Variants in DMD observed in about 807,000 individuals in gnomAD.
DMD encodes dystrophin, also known as mutant dystrophin.
In DMD, 63 loss-of-function variants were observed where a neutral mutation model predicts 330.1. The ratio of observed to expected loss-of-function variants is 0.19; its 90% confidence interval spans 0.16 to 0.24. DMD has a LOEUF of 0.24. DMD is among the 10% of genes least tolerant of loss of function. The pLI, the probability that DMD is intolerant of heterozygous loss-of-function variation, is 1.00. For synonymous variants in DMD, 1,223 were observed against 959.8 expected, an observed-to-expected ratio of 1.27 and a Z score of -5.07; for missense variants, 3,344 against 2,684.1, an observed-to-expected ratio of 1.25 and a Z score of -5.43.
intron 34 of DMD, among the ~76,000 whole-genome samples, chrX:32,372,426 T>G (rs965501681): frequency 1.1e-4 from 12 of 111,730 alleles, no homozygotes; most frequent in African/African-American, 3.9e-4. Context: ...GTTCCAGTAT[T>G]CAAACTCTTC....
At chrX:31,800,086 T>G (rs1039431594) in intron 50 of DMD, among the ~76,000 whole-genome samples, 6 of 112,546 alleles carry the variant, frequency 5.3e-5, no homozygotes, top group Non-Finnish European at 1.1e-4. Context: ...TGGTTCAAAC[T>G]ATCAGCATTT....
At chrX:31,786,937 T>C (rs996376903) in intron 50 of DMD, among the ~76,000 whole-genome samples, 2 of 112,291 alleles carry the variant, frequency 1.8e-5, no homozygotes, top group Non-Finnish European at 3.8e-5. Flanking sequence ...ATACTTTCTG[T>C]GTGCAACTTT....
chrX:32,260,506 T>G (rs1208907797), intron 43 of DMD, among the ~76,000 whole-genome samples: 2 of 111,717 alleles, frequency 1.8e-5, no homozygotes, highest in Non-Finnish European at 3.8e-5. Context: ...CCTATAATCA[T>G]AGTGCTCTGT....
chrX:32,944,864 G>A (rs755748257), intron 2 of DMD, among the ~76,000 whole-genome samples: 5 of 110,487 alleles, frequency 4.5e-5, no homozygotes, highest in African/African-American at 1.6e-4. Context: ...CCTCGGCCTC[G>A]CAAAGTGCTG....
intron 44 of DMD, among the ~76,000 whole-genome samples, chrX:32,102,875 T>G (rs2096546765): frequency 8.9e-6 from 1 of 112,068 alleles, no homozygotes; most frequent in African/African-American, 3.2e-5. Flanking sequence ...TGCAAATGTC[T>G]TTGGAAAAAA....
intron 62 of DMD, among the ~76,000 whole-genome samples, chrX:31,286,678 C>T (rs1361876423): frequency 2.7e-5 from 3 of 112,788 alleles, no homozygotes; most frequent in Non-Finnish European, 5.6e-5. Context: ...GATTCCCAGA[C>T]AATTTGTATG....
chrX:31,549,227 A>G (rs1262022302), intron 55 of DMD, among the ~76,000 whole-genome samples: 1 of 110,811 alleles, frequency 9.0e-6, no homozygotes, highest in Non-Finnish European at 1.9e-5. Flanking sequence ...AGTCATTTAC[A>G]TTTTATGTTA....
chrX:32,574,179 A>G (rs941656672), intron 13 of DMD, among the ~76,000 whole-genome samples: 1 of 111,674 alleles, frequency 9.0e-6, no homozygotes, highest in African/African-American at 3.3e-5. Flanking sequence ...TAAAAGGTGT[A>G]TTTTCCTTAG....
intron 62 of DMD, chrX:31,266,898 C>A: frequency 1.7e-6 from 2 of 1,186,398 alleles, no homozygotes; most frequent in South Asian, 3.7e-5. Flanking sequence ...CCGCCGGGCT[C>A]CCCGAAAGTG....
At chrX:31,527,342 A>G (rs1316785003) in intron 55 of DMD, among the ~76,000 whole-genome samples, 2 of 111,724 alleles carry the variant, frequency 1.8e-5, no homozygotes, top group African/African-American at 6.5e-5. Context: ...GGAAATTAAA[A>G]ACTGTATTTG....
intron 41 of DMD, among the ~76,000 whole-genome samples, chrX:32,339,939 G>A (rs1053399944): frequency 8.9e-6 from 1 of 112,073 alleles, no homozygotes; most frequent in Admixed American, 9.5e-5. Context: ...CAGAGCCATT[G>A]TAAGGTTATA....
intron 9 of DMD, among the ~76,000 whole-genome samples, chrX:32,681,071 T>C (rs1163786291): frequency 1.8e-5 from 2 of 112,517 alleles, no homozygotes; most frequent in Non-Finnish European, 3.8e-5. Context: ...TAAAGAATCT[T>C]AGAGCAGCAA....
At chrX:32,892,457 G>A (rs188723568) in intron 2 of DMD, among the ~76,000 whole-genome samples, 4 of 111,916 alleles carry the variant, frequency 3.6e-5, no homozygotes, top group Admixed American at 9.5e-5. Context: ...GCAACGGTGC[G>A]ATCTCGGCTC....
intron 1 of DMD, among the ~76,000 whole-genome samples, chrX:33,174,739 C>T (rs1266996755): frequency 9.0e-6 from 1 of 111,630 alleles, no homozygotes; most frequent in Non-Finnish European, 1.9e-5. Flanking sequence ...AATAGATGAA[C>T]ATTAGAGATA....
intron 16 of DMD, among the ~76,000 whole-genome samples, chrX:32,552,372 G>A (rs1169504404): frequency 9.0e-6 from 1 of 111,484 alleles, no homozygotes; most frequent in African/African-American, 3.3e-5. Context: ...AATGGGAAAA[G>A]GACTGCCTAT....
chrX:32,442,170 A>G (rs1176799682), intron 27 of DMD, among the ~76,000 whole-genome samples: 1 of 111,041 alleles, frequency 9.0e-6, no homozygotes, highest in African/African-American at 3.2e-5. Flanking sequence ...CGTAAGAAAA[A>G]AGAGATGAAT....
At chrX:32,843,425 C>A (rs760227181) in intron 4 of DMD, among the ~76,000 whole-genome samples, 2 of 111,597 alleles carry the variant, frequency 1.8e-5, no homozygotes, top group East Asian at 5.6e-4. Flanking sequence ...AGTGAAAAAT[C>A]TAGTTAATTT....
chrX:33,005,541 T>G (rs771141137), intron 2 of DMD, among the ~76,000 whole-genome samples: 38 of 107,414 alleles, frequency 3.5e-4, no homozygotes, highest in African/African-American at 1.2e-3. Flanking sequence ...CAGAAGAGAA[T>G]TATGGGAAAA....
At chrX:32,332,834 G>A (rs918212246) in intron 41 of DMD, among the ~76,000 whole-genome samples, 2 of 108,400 alleles carry the variant, frequency 1.8e-5, no homozygotes, top group African/African-American at 7.1e-5. Context: ...GAAAGCATGC[G>A]TAGATTTTTT....
Sources: gnomAD v4.1 joint callset for allele counts (sites outside exome capture counted in the v4.1 genomes callset) on GRCh38, gnomAD v4.1.1 for gene constraint, MANE v1.5 for transcripts, NCBI Gene and HGNC (gene_info 2026-07-23, HGNC 2026-07-21) for gene names.